POT1: variants seen among roughly 807,000 people sequenced by gnomAD.
The protein encoded by POT1 is protection of telomeres 1.
In POT1, 47 loss-of-function variants were observed where a neutral mutation model predicts 78.5. That is an observed-to-expected ratio of 0.60 (90% confidence interval 0.47 to 0.76). POT1 has a LOEUF of 0.76. Ranked by LOEUF, POT1 falls within the 30% of genes least tolerant of loss-of-function variation. POT1 has a pLI of 0.00. For missense variants in POT1, 646 were observed against 749.9 expected, an observed-to-expected ratio of 0.86 and a Z score of 1.62; for synonymous variants, 259 against 260.7, an observed-to-expected ratio of 0.99 and a Z score of 0.06.
chr7:124,835,043 T>C (rs1259641406), intron 15 of POT1, among the ~76,000 whole-genome samples: 2 of 151,754 alleles, frequency 1.3e-5, no homozygotes, highest in Non-Finnish European at 2.9e-5. Context: ...AGTTGAACAA[T>C]GAGAACACAT....
intron 2 of POT1, among the ~76,000 whole-genome samples, chr7:124,918,349 G>A (rs1332110192): frequency 1.3e-5 from 2 of 152,090 alleles, no homozygotes; most frequent in African/African-American, 4.8e-5. Context: ...TCCTAGAGGG[G>A]GGACCAACAA....
intron 16 of POT1, among the ~76,000 whole-genome samples, chr7:124,827,964 C>A (rs559417519): frequency 1.3e-5 from 2 of 152,098 alleles, no homozygotes; most frequent in Admixed American, 6.6e-5. Context: ...ACCTGGGAGG[C>A]AGAGGTTGCA....
chr7:124,834,987 AC>A (rs1794855610), intron 15 of POT1, among the ~76,000 whole-genome samples: 1 of 152,086 alleles, frequency 6.6e-6, no homozygotes, highest in Admixed American at 6.5e-5. Flanking sequence ...GCAAACTAAC[AC>A]CAGAACAGAA....
chr7:124,913,936 C>A (rs896661639), intron 3 of POT1, among the ~76,000 whole-genome samples: 1 of 151,996 alleles, frequency 6.6e-6, no homozygotes, highest in East Asian at 1.9e-4. Flanking sequence ...GAGATCAAGA[C>A]CATCCTGGCT....
intron 3 of POT1, among the ~76,000 whole-genome samples, chr7:124,900,597 C>T (rs148682123): frequency 6.0e-4 from 91 of 152,046 alleles, no homozygotes; most frequent in African/African-American, 1.6e-3. Context: ...ACGCAGAAGA[C>T]GGGTGATTTC....
intron 11 of POT1, among the ~76,000 whole-genome samples, chr7:124,851,168 T>C (rs932797015): frequency 6.6e-6 from 1 of 152,076 alleles, no homozygotes; most frequent in Non-Finnish European, 1.5e-5. Flanking sequence ...TGTTGGCATG[T>C]GCAGGACTAC....
chr7:124,868,412 C>T (rs2116559148), intron 7 of POT1, among the ~76,000 whole-genome samples: 1 of 152,134 alleles, frequency 6.6e-6, no homozygotes, highest in African/African-American at 2.4e-5. Flanking sequence ...TTAACATTGC[C>T]TTAAATTATT....
chr7:124,843,167 A>G, intron 12 of POT1: 1 of 371,392 alleles, frequency 2.7e-6, no homozygotes, highest in Non-Finnish European at 4.8e-6. Flanking sequence ...TACTCAACAA[A>G]TGTGTACTAA....
At chr7:124,856,819 C>T (rs1259096920) in intron 9 of POT1, among the ~76,000 whole-genome samples, 1 of 152,150 alleles carries the variant, frequency 6.6e-6, no homozygotes, top group Non-Finnish European at 1.5e-5. Flanking sequence ...CAGAACTGAA[C>T]TTATCATATA....
chr7:124,846,901 C>T (rs371329583), intron 12 of POT1, 41 bp downstream of exon 12: 6 of 1,389,042 alleles, frequency 4.3e-6, no homozygotes, highest in South Asian at 3.5e-5. Flanking sequence ...CTTTATTATG[C>T]TCATTACTGT....
intron 6 of POT1, among the ~76,000 whole-genome samples, chr7:124,878,600 G>C (rs1010587949): frequency 1.3e-5 from 2 of 151,896 alleles, no homozygotes; most frequent in African/African-American, 4.8e-5. Context: ...ATATGTATTT[G>C]TTTGCCAATT....
intron 17 of POT1, among the ~76,000 whole-genome samples, chr7:124,825,701 T>A (rs1165492493): frequency 6.6e-6 from 1 of 152,184 alleles, no homozygotes; most frequent in Non-Finnish European, 1.5e-5. Flanking sequence ...ACAGTATATG[T>A]ATTATATAGT....
Position 124,825,264 on chromosome 7 carries a change from C to T in POT1, c.1780G>A (p.Gly594Arg). ...TATTCTTGCCTACCAATTTTTATTC[C>T]TGGAGGACAAAACATATCCATGATC... ...DMIMDMFCPP[G>R]IKIDAYPWLE... The change falls in exon 18 of 19, where the codon GGA becomes AGA. Residue 594 changes from glycine (G) to arginine (R), a missense_variant. By Grantham distance (125) the Gly-to-Arg change is moderately radical. Transcript: ENST00000357628. The T allele has an allele frequency of 6.2e-7, 1 of 1,603,518 alleles. No homozygotes were observed. The highest frequency in any genetic ancestry group is 8.5e-7 in the Non-Finnish European group (1 of 1,174,574).
intron 6 of POT1, among the ~76,000 whole-genome samples, chr7:124,884,220 G>T (rs1322010826): frequency 1.3e-5 from 2 of 151,998 alleles, no homozygotes; most frequent in Admixed American, 1.3e-4. Flanking sequence ...TAGCTGGGAT[G>T]TTTTTATAGA....
intron 6 of POT1, among the ~76,000 whole-genome samples, chr7:124,885,293 CAAA>C (rs11372618): frequency 4.7e-5 from 3 of 63,244 alleles, no homozygotes; most frequent in African/African-American, 6.2e-5. Context: ...TCCATCTCTC[CAAA>C]AAAAAAAAAA....
chr7:124,867,653 TA>T (rs1418777093), intron 7 of POT1, among the ~76,000 whole-genome samples: 2 of 152,092 alleles, frequency 1.3e-5, no homozygotes, highest in African/African-American at 4.8e-5. Context: ...TTTATTTATT[TA>T]TTATTTTTTT....
At chr7:124,846,162 G>GACACACACACACACACACACACACAC (rs60301966) in intron 12 of POT1, among the ~76,000 whole-genome samples, 11 of 148,718 alleles carry the variant, frequency 7.4e-5, no homozygotes, top group African/African-American at 2.7e-4. Context: ...CATTCATACT[G>GACACACACACACACACACACACACAC]ACACACACAC....
intron 2 of POT1, among the ~76,000 whole-genome samples, chr7:124,923,943 C>A (rs2116719462): frequency 6.6e-6 from 1 of 151,014 alleles, no homozygotes; most frequent in African/African-American, 2.4e-5. Flanking sequence ...TTATATCCTG[C>A]CAGAATAAGC....
intron 3 of POT1, among the ~76,000 whole-genome samples, chr7:124,909,815 A>T (rs1796849713): frequency 6.6e-6 from 1 of 151,950 alleles, no homozygotes. Context: ...TTGTTAATTC[A>T]TAGCATAACC....
Sources: gnomAD v4.1 joint callset for allele counts (sites outside exome capture counted in the v4.1 genomes callset) on GRCh38, gnomAD v4.1.1 for gene constraint, MANE v1.5 for transcripts, NCBI Gene and HGNC (gene_info 2026-07-23, HGNC 2026-07-21) for gene names.